STXBP5: variants seen among roughly 807,000 people sequenced by gnomAD.
STXBP5 encodes the protein syntaxin binding protein 5, also known as syntaxin-binding protein 5.
STXBP5 carries 50 observed loss-of-function variants against 152.4 expected under a neutral mutation model. That is an observed-to-expected ratio of 0.33 (90% confidence interval 0.26 to 0.42). The LOEUF (loss-of-function observed/expected upper bound fraction) is 0.42, where lower values mean the gene tolerates loss of function less well. Among genes scored for constraint, STXBP5 ranks in the 10% least tolerant of loss-of-function variants. The pLI is 1.00. For synonymous variants in STXBP5, 492 were observed against 494.7 expected (o/e 0.99, Z 0.07); for missense variants, 1,167 against 1,388.6 (o/e 0.84, Z 2.54).
rs770095795 is a variant in STXBP5 at position 147,262,392 on chromosome 6, A to C, written c.630+39A>C. On this transcript the variant is annotated intron_variant, in intron 6 of 27. Transcript: ENST00000321680. ...TAAAAAATTATATATTAAATGCACA[A>C]ATTTTAGTATTTTTCAATAAACATG... 1.5e-5 allele frequency: 19 copies of C among 1,243,870 alleles called. No individual in the cohort carries two copies. The East Asian group carries it at 5.0e-4, about 33-fold the overall frequency. The allele number at this position is 1,243,870 out of a possible 1,614,324, so 77.1% of individuals were successfully genotyped here. A position where few individuals can be genotyped will look rare whatever the true frequency, so the allele number is the denominator to read the frequency against.
intron 4 of STXBP5, among the ~76,000 whole-genome samples, chr6:147,250,356 G>A (rs748838223): frequency 6.6e-6 from 1 of 152,036 alleles, no homozygotes; most frequent in Non-Finnish European, 1.5e-5. Context: ...ATATCTGTAG[G>A]TTGTGTATCC....
intron 26 of STXBP5, 56 bp downstream of exon 26, chr6:147,373,898 C>T: frequency 2.2e-6 from 3 of 1,380,856 alleles, no homozygotes; most frequent in Non-Finnish European, 3.0e-6. Context: ...ACAAGCCATA[C>T]AAAAATTTTT....
intron 2 of STXBP5, among the ~76,000 whole-genome samples, chr6:147,220,004 A>G (rs548581001): frequency 1.4e-4 from 22 of 151,864 alleles, no homozygotes; most frequent in African/African-American, 5.1e-4. Flanking sequence ...TTTAATATAT[A>G]TGAATTCAAT....
intron 2 of STXBP5, among the ~76,000 whole-genome samples, chr6:147,213,297 T>C (rs1156353748): frequency 6.6e-6 from 1 of 151,400 alleles, no homozygotes; most frequent in Non-Finnish European, 1.5e-5. Context: ...ATAGGGTTTC[T>C]TTCTGGAATA....
At chr6:147,309,691 A>G (rs1296721207) in intron 9 of STXBP5, among the ~76,000 whole-genome samples, 2 of 152,070 alleles carry the variant, frequency 1.3e-5, no homozygotes, top group East Asian at 3.9e-4. Flanking sequence ...TCCATTACCT[A>G]CAATGGATGC....
chr6:147,233,248 A>G (rs1275444553), intron 2 of STXBP5, among the ~76,000 whole-genome samples: 1 of 151,778 alleles, frequency 6.6e-6, no homozygotes, highest in Non-Finnish European at 1.5e-5. Context: ...CCTATAAATG[A>G]CTGGAAAAGA....
intron 11 of STXBP5, among the ~76,000 whole-genome samples, chr6:147,313,383 C>G (rs1173478174): frequency 6.6e-6 from 1 of 152,022 alleles, no homozygotes; most frequent in Non-Finnish European, 1.5e-5. Context: ...ATCTAGAAAA[C>G]ATTTAAGGTA....
intron 21 of STXBP5, chr6:147,351,798 C>T (rs1784599576): frequency 1.0e-6 from 1 of 972,520 alleles, no homozygotes; most frequent in African/African-American, 1.8e-5. Context: ...CTGCCTAATG[C>T]CTCTTTCCTA....
intron 7 of STXBP5, among the ~76,000 whole-genome samples, chr6:147,271,081 A>G (rs949908134): frequency 6.6e-6 from 1 of 152,184 alleles, no homozygotes; most frequent in East Asian, 1.9e-4. Context: ...TGGAAGCAAC[A>G]GTGAACAAAC....
intron 4 of STXBP5, among the ~76,000 whole-genome samples, chr6:147,246,949 G>T (rs1052433233): frequency 8.5e-5 from 13 of 152,230 alleles, no homozygotes; most frequent in Non-Finnish European, 1.3e-4. Flanking sequence ...GTAAGTAAAT[G>T]TATATAGAAA....
chr6:147,265,310 A>T (rs1215277230), intron 6 of STXBP5, among the ~76,000 whole-genome samples: 1 of 152,052 alleles, frequency 6.6e-6, no homozygotes, highest in Non-Finnish European at 1.5e-5. Flanking sequence ...AAATCTTCTA[A>T]ATTTGTCCTA....
At chr6:147,235,145 G>T in intron 2 of STXBP5, 105 bp from the exon 3 acceptor site, 1 of 882,220 alleles carries the variant, frequency 1.1e-6, no homozygotes, top group Non-Finnish European at 1.8e-6. Context: ...TAAATGGCCT[G>T]TATTGAATAT....
At chr6:147,212,736 A>G (rs1284628681) in intron 2 of STXBP5, among the ~76,000 whole-genome samples, 1 of 152,206 alleles carries the variant, frequency 6.6e-6, no homozygotes, top group Non-Finnish European at 1.5e-5. Context: ...AATCCAAGTC[A>G]GTAGAAGCAC....
chr6:147,282,113 G>A (rs979608900), intron 8 of STXBP5, among the ~76,000 whole-genome samples: 14 of 152,160 alleles, frequency 9.2e-5, no homozygotes, highest in Admixed American at 7.2e-4. Flanking sequence ...ATTCATATAT[G>A]GCTCTAGGAA....
chr6:147,377,144 G>A (rs1785850118), intron 26 of STXBP5, among the ~76,000 whole-genome samples: 1 of 152,120 alleles, frequency 6.6e-6, no homozygotes, highest in African/African-American at 2.4e-5. Context: ...TAACTTTAGT[G>A]TATACAGTTT....
At chr6:147,216,132 CTG>C (rs1160006211) in intron 2 of STXBP5, among the ~76,000 whole-genome samples, 13 of 152,164 alleles carry the variant, frequency 8.5e-5, no homozygotes, top group Non-Finnish European at 1.8e-4. Flanking sequence ...TTGCTCACGC[CTG>C]TAATCCCAGC....
At chr6:147,315,832 CA>C (rs1410558679) in intron 15 of STXBP5, 97 bp downstream of exon 15, 1 of 1,143,792 alleles carries the variant, frequency 8.7e-7, no homozygotes, top group Non-Finnish European at 1.3e-6. Context: ...CAGTTTTGTG[CA>C]GAACTTTTGA....
At chr6:147,306,864 C>G (rs1288946636) in intron 9 of STXBP5, among the ~76,000 whole-genome samples, 3 of 152,218 alleles carry the variant, frequency 2.0e-5, no homozygotes, top group African/African-American at 7.2e-5. Flanking sequence ...CCTGCCCTCA[C>G]AGTCAGCCTA....
intron 13 of STXBP5, 81 bp from the exon 14 acceptor site, chr6:147,314,515 T>G: frequency 1.4e-6 from 2 of 1,467,830 alleles, no homozygotes; most frequent in Non-Finnish European, 1.9e-6. Context: ...CTCATTTTGT[T>G]GACTTTTTAA....
Sources: allele counts gnomAD v4.1 joint callset (sites outside exome capture counted in the v4.1 genomes callset), GRCh38; gene constraint gnomAD v4.1.1; transcripts MANE v1.5; gene names NCBI Gene and HGNC (gene_info 2026-07-23, HGNC 2026-07-21).